Variants in CNTRL observed in about 807,000 individuals in gnomAD.
CNTRL encodes centriolin.
In CNTRL, 233 loss-of-function variants were observed where a neutral mutation model predicts 303.7. The observed-to-expected ratio is 0.77, with a 90% CI of 0.69 to 0.86. The LOEUF (loss-of-function observed/expected upper bound fraction) is 0.86. Ranked by LOEUF, CNTRL falls within the 40% of genes least tolerant of loss-of-function variation. The pLI is 0.00. For missense variants in CNTRL, 2,524 were observed against 2,650.6 expected (o/e 0.95, Z 1.05); for synonymous variants, 900 against 922.2 (o/e 0.98, Z 0.44).
chr9:121,104,495 A>G (rs563964911), intron 7 of CNTRL, among the ~76,000 whole-genome samples: 1 of 152,212 alleles, frequency 6.6e-6, no homozygotes, highest in African/African-American at 2.4e-5. Flanking sequence ...CGTTGTGCAC[A>G]TGTACCCTAG....
chr9:121,083,189 C>A (rs1296530287), intron 2 of CNTRL, among the ~76,000 whole-genome samples: 1 of 152,032 alleles, frequency 6.6e-6, no homozygotes, highest in Non-Finnish European at 1.5e-5. Flanking sequence ...ATTTATTAAA[C>A]ATTTTTTCTC....
chr9:121,158,787 A>T, intron 30 of CNTRL, 68 bp from the exon 31 acceptor site: 1 of 1,413,750 alleles, frequency 7.1e-7, no homozygotes. Context: ...CAACTAAATT[A>T]TCTCCAGGTT....
Position 121,168,111 on chromosome 9 carries a change from CAGAA to C in CNTRL, c.5864_5867del (p.Lys1955ArgfsTer9). 1 of 1,612,268 alleles carries C rather than the reference CAGAA, an allele frequency of 6.2e-7. No individual in the cohort carries two copies. On this transcript the variant is annotated frameshift_variant, in exon 38 of 44. Transcript: ENST00000373855. LOFTEE classifies it high-confidence loss of function. ...CTTTATTAAGATGTTTCAGAGACTC[CAGAA>C]AGAGAGAGAAAGTGAAGAAAGCAAA...
rs1384879110 is a variant in CNTRL at position 121,150,488 on chromosome 9, G to C, written c.3963+5G>C. 6.2e-7 allele frequency: 1 copy of C among 1,613,444 alleles called. No homozygotes were observed. The highest frequency in any genetic ancestry group is 8.5e-7 in the Non-Finnish European group (1 of 1,179,490). On this transcript the variant is annotated splice_donor_5th_base_variant and intron_variant, in intron 25 of 43. Transcript: ENST00000373855. ...GTCCCTGAACACCATAACTTAGTAA[G>C]TGGAAAGACATACAACTCTCTTTCC...
At chr9:121,084,887 C>T (rs1317454046) in intron 2 of CNTRL, among the ~76,000 whole-genome samples, 1 of 152,138 alleles carries the variant, frequency 6.6e-6, no homozygotes, top group African/African-American at 2.4e-5. Context: ...AGTGCTAAAC[C>T]ATTCTGAGCC....
At chr9:121,103,299 A>G (rs1209082154) in intron 7 of CNTRL, among the ~76,000 whole-genome samples, 1 of 152,230 alleles carries the variant, frequency 6.6e-6, no homozygotes, top group African/African-American at 2.4e-5. Context: ...GCAATGGGGA[A>G]GGGATTCCCT....
Position 121,145,260 on chromosome 9 carries a change from A to G in CNTRL, c.3185A>G (p.Glu1062Gly). Residue 1062 changes from glutamate to glycine, a missense_variant, in exon 22 of 44, where the codon GAG becomes GGG. By Grantham distance (98) the Glu-to-Gly change is moderately conservative. Transcript: ENST00000373855. ...QKGEQFRLEM[E>G]KTGVGTGANS... ...TTTAAATAGTTTCGACTTGAGATGG[A>G]GAAAACAGGTGTAGGTACTGGAGCA... The G allele has an allele frequency of 6.2e-7, 1 of 1,604,386 alleles. No individual in the cohort carries two copies. The highest frequency in any genetic ancestry group is 1.7e-4 in the Middle Eastern group (1 of 6,016).
At chr9:121,111,369 G>T (rs1246201357) in intron 8 of CNTRL, 1 of 152,136 alleles carries the variant, frequency 6.6e-6, no homozygotes, top group Non-Finnish European at 1.5e-5. Flanking sequence ...TTAGCACAAT[G>T]TCTGGCACAC....
intron 2 of CNTRL, among the ~76,000 whole-genome samples, chr9:121,087,884 C>T (rs1292435058): frequency 6.6e-6 from 1 of 152,030 alleles, no homozygotes; most frequent in Non-Finnish European, 1.5e-5. Flanking sequence ...AGGAGGATAC[C>T]AGGAGAATGC....
intron 39 of CNTRL, among the ~76,000 whole-genome samples, chr9:121,170,365 A>T (rs1172765400): frequency 6.6e-6 from 1 of 152,092 alleles, no homozygotes; most frequent in African/African-American, 2.4e-5. Context: ...GCTAGTCCTG[A>T]ACTCCTGACC....
Position 121,148,687 on chromosome 9 carries a change from TC to T in CNTRL, c.3478del (p.Gln1160ArgfsTer86). 1 of 1,613,382 alleles carries T rather than the reference TC, an allele frequency of 6.2e-7. No individual in the cohort carries two copies. The highest frequency in any genetic ancestry group is 8.5e-7 in the Non-Finnish European group (1 of 1,179,440). ...TTTGTTTTAGGTTTCCAGCCATAGT[TC>T]CCAGGCCACCAAGGACTCTGGTGTT... ...PPSSKVSSHSSQATKDSGVGL... is the reference protein window; with the variant it reads ...PPSSKVSSHSXQATKDSGVGL... On this transcript the variant is annotated frameshift_variant, in exon 24 of 44. Coordinates refer to ENST00000373855, the MANE Select transcript of CNTRL (RefSeq NM_007018.6). LOFTEE classifies it high-confidence loss of function.
intron 3 of CNTRL, 141 bp downstream of exon 3, chr9:121,088,684 G>T: frequency 8.2e-6 from 5 of 607,090 alleles, no homozygotes; most frequent in Non-Finnish European, 1.4e-5. Context: ...ATTAAGGACT[G>T]TAAGGACAGT....
In CNTRL at chr9:121,144,033, T is replaced by C. The variant is rs1466230583; in HGVS notation, c.3002T>C (p.Leu1001Pro). ...TAELTIAKDQLKSLHGTVMKI... is the reference protein window; with the variant it reads ...TAELTIAKDQPKSLHGTVMKI... ...GAGCTCACCATTGCCAAAGACCAGC[T>C]GAAGTCCCTTCATGGAACTGTTATG... The change falls in exon 20 of 44, where the codon CTG becomes CCG. Residue 1001 changes from leucine to proline, a missense_variant. Transcript: ENST00000373855. The C allele has an allele frequency of 1.7e-5, 28 of 1,613,948 alleles. No homozygotes were observed. The highest frequency in any genetic ancestry group is 2.3e-5 in the Non-Finnish European group (27 of 1,179,896).
chr9:121,115,578 G>C lies in CNTRL; in HGVS notation c.1455+378G>C, dbSNP rs139931159. ...GCATGAACATTGTCATCAAACACAA[G>C]CCAAAAAAAAAAAGAGATATGTGGT... is the stretch of plus-strand genomic sequence containing the variant. On this transcript the variant is annotated intron_variant, in intron 11 of 43. Coordinates refer to ENST00000373855, the MANE Select transcript of CNTRL (RefSeq NM_007018.6). Among the ~76,000 whole-genome samples the C allele has an allele frequency of 2.6e-3, 386 of 149,126 alleles. 1 individual carries two copies. Among genetic ancestry groups the C allele is most frequent in the African/African-American group, 9.3e-3 (377 of 40,708 alleles).
chr9:121,090,388 G>A lies in CNTRL; in HGVS notation c.331G>A (p.Gly111Ser), dbSNP rs140149582. The A allele has an allele frequency of 3.4e-5, 55 of 1,609,414 alleles. No homozygotes were observed. The highest frequency in any genetic ancestry group is 1.7e-4 in the Middle Eastern group (1 of 6,040). The change falls in exon 4 of 44, where the codon GGT (glycine) becomes AGT (serine). Residue 111 changes from glycine to serine, a missense_variant. Transcript: ENST00000373855. The stretch of plus-strand genomic sequence containing the variant: ...TCTGAACCTTTCACTTTCTAAAGAC[G>A]GTGGCAAGAAATTTAAGGTAGGTTA... ...KSLNLSLSKD[G>S]GKKFKYIENL...
In CNTRL at chr9:121,167,669, CAAGAAA is replaced by C; in HGVS notation, c.5837_5842del (p.Gln1946_Met1948delinsLeu). 6.2e-7 allele frequency: 1 copy of C among 1,613,448 alleles called. No homozygotes were observed. The highest frequency in any genetic ancestry group is 8.5e-7 in the Non-Finnish European group (1 of 1,179,602). The stretch of plus-strand genomic sequence containing the variant: ...AGAAAACAAGCTCAAACTAGTCCAA[CAAGAAA>C]TGGTACTACACATTTATGATTTTAC... On this transcript the variant is annotated inframe_deletion and splice_region_variant, in exon 37 of 44. Coordinates refer to ENST00000373855, the MANE Select transcript of CNTRL (RefSeq NM_007018.6).
At chr9:121,077,243 C>T (rs997781942) in intron 1 of CNTRL, among the ~76,000 whole-genome samples, 3 of 150,912 alleles carry the variant, frequency 2.0e-5, no homozygotes, top group African/African-American at 2.4e-5. Context: ...CTTTTTTTTT[C>T]TCTTTATCCT....
Position 121,177,363 on chromosome 9 carries a change from A to G in CNTRL, c.*177A>G. 1 of 570,920 alleles carries G rather than the reference A, an allele frequency of 1.8e-6. No individual in the cohort carries two copies. 35.4% of individuals were successfully genotyped at this position (570,920 alleles called of 1,614,324 possible). On this transcript the variant is annotated 3_prime_UTR_variant, in exon 44 of 44. Coordinates refer to ENST00000373855, the MANE Select transcript of CNTRL (RefSeq NM_007018.6). ...GCCAATGTTTTTATAAATCACTTGT[A>G]CATAGTACATATGGGAATAGTTGCA...
chr9:121,088,397 C>T lies in CNTRL; in HGVS notation c.71C>T (p.Pro24Leu), dbSNP rs200516440. The T allele has an allele frequency of 5.0e-6, 8 of 1,613,186 alleles. No individual in the cohort carries two copies. The African/African-American group carries it at 1.1e-4, about 22-fold the overall frequency. Reference sequence around the variant, plus strand: ...CCATCATCATCTCACTCTCCTATCCCATCATCTATGTCCAATATGAGATCT... The same window carrying T: ...CCATCATCATCTCACTCTCCTATCCTATCATCTATGTCCAATATGAGATCT... ...KIPSSSHSPI[P>L]SSMSNMRSRS... is the part of the protein sequence containing the mutation. The change falls in exon 3 of 44, where the codon CCA becomes CTA. Residue 24 changes from proline (P) to leucine (L), a missense_variant. Pro to Leu is a moderately conservative substitution (Grantham distance 98). Transcript: ENST00000373855.
Sources: allele counts gnomAD v4.1 joint callset (sites outside exome capture counted in the v4.1 genomes callset), GRCh38; gene constraint gnomAD v4.1.1; transcripts MANE v1.5; gene names NCBI Gene and HGNC (gene_info 2026-07-23, HGNC 2026-07-21).